Variants in UNC13C observed in about 807,000 individuals in gnomAD.
UNC13C encodes the protein unc-13 homolog C.
UNC13C carries 174 observed loss-of-function variants against 245.4 expected under a neutral mutation model. The ratio of observed to expected loss-of-function variants is 0.71; its 90% CI spans 0.63 to 0.80. UNC13C has a LOEUF of 0.80. Among genes scored for constraint, UNC13C ranks in the 30% least tolerant of loss-of-function variants. The pLI is 0.00. For synonymous variants in UNC13C, 992 were observed against 895.1 expected, an observed-to-expected ratio of 1.11 and a Z score of -1.93; for missense variants, 2,829 against 2,602.9, an observed-to-expected ratio of 1.09 and a Z score of -1.89.
At chr15:54,018,027 G>T (rs1293352481) in intron 2 of UNC13C, among the ~76,000 whole-genome samples, 2 of 152,158 alleles carry the variant, frequency 1.3e-5, no homozygotes, top group Non-Finnish European at 2.9e-5. Context: ...GGAAGCTGCG[G>T]TAGCCTAGAT....
chr15:54,126,318 C>T (rs2141204706), intron 2 of UNC13C, among the ~76,000 whole-genome samples: 1 of 152,070 alleles, frequency 6.6e-6, no homozygotes, highest in African/African-American at 2.4e-5. Context: ...TCTAATAAAG[C>T]AACAGTAGCC....
chr15:54,575,172 A>C (rs1566918357), intron 30 of UNC13C, among the ~76,000 whole-genome samples: 1 of 152,122 alleles, frequency 6.6e-6, no homozygotes, highest in Non-Finnish European at 1.5e-5. Context: ...AATAGCTGGG[A>C]TTACAGGTGC....
chr15:54,264,365 T>G lies in UNC13C; in HGVS notation c.3646T>G (p.Ser1216Ala), dbSNP rs1391342198. The change falls in exon 9 of 33, where the codon TCT (serine) becomes GCT (alanine). Residue 1216 changes from serine (S) to alanine (A), a missense_variant. Coordinates refer to ENST00000260323, the MANE Select transcript of UNC13C (RefSeq NM_001080534.3). ...CAAACAGAGTGTACTGGATGGGACA[T>G]CTAAGTGGTCTGCAAAAATAACCAT... Reference protein sequence around the residue: ...AAKQSVLDGTSKWSAKITITV... With the variant: ...AAKQSVLDGTAKWSAKITITV... 6.2e-7 allele frequency: 1 copy of G among 1,601,374 alleles called. No homozygotes were observed. Among genetic ancestry groups the G allele is most frequent in the Admixed American group, 1.7e-5 (1 of 58,332 alleles).
At chr15:54,503,949 T>C (rs548455717) in intron 22 of UNC13C, among the ~76,000 whole-genome samples, 80 of 152,264 alleles carry the variant, frequency 5.3e-4, no homozygotes, top group South Asian at 4.3e-3. Context: ...TAAAAATTTT[T>C]GCATTTTAAA....
intron 2 of UNC13C, among the ~76,000 whole-genome samples, chr15:54,059,242 A>C (rs1897689421): frequency 6.6e-6 from 1 of 152,172 alleles, no homozygotes; most frequent in Non-Finnish European, 1.5e-5. Flanking sequence ...AATCCCCTTA[A>C]GCTGATAAGC....
intron 17 of UNC13C, among the ~76,000 whole-genome samples, chr15:54,369,030 A>G (rs942921298): frequency 2.6e-5 from 4 of 152,154 alleles, no homozygotes; most frequent in Admixed American, 2.6e-4. Flanking sequence ...CCATGAAGTA[A>G]TGATTTGTTC....
chr15:53,968,939 C>G, the UNC13C span, among the ~76,000 whole-genome samples: 1 of 138,420 alleles, frequency 7.2e-6, no homozygotes, highest in African/African-American at 3.0e-5. Flanking sequence ...CTGCAGTTTC[C>G]TACAATCCCC....
chr15:54,605,830 A>G (rs1005156914), intron 30 of UNC13C, among the ~76,000 whole-genome samples: 3 of 152,224 alleles, frequency 2.0e-5, no homozygotes, highest in Non-Finnish European at 4.4e-5. Context: ...GGCAAACTTC[A>G]TAACATTTTC....
chr15:54,109,709 C>T (rs528044592), intron 2 of UNC13C, among the ~76,000 whole-genome samples: 1 of 152,128 alleles, frequency 6.6e-6, no homozygotes, highest in Non-Finnish European at 1.5e-5. Context: ...ATCCACACCT[C>T]ATAAACCCTA....
chr15:54,280,515 A>G (rs960709434), intron 10 of UNC13C, among the ~76,000 whole-genome samples: 23 of 151,420 alleles, frequency 1.5e-4, no homozygotes, highest in African/African-American at 5.6e-4. Context: ...AGCTATCACA[A>G]TAAGAATTGT....
At chr15:54,626,228 CACTTGACAGGTCTA>C (rs1901133603) in intron 32 of UNC13C, among the ~76,000 whole-genome samples, 1 of 152,140 alleles carries the variant, frequency 6.6e-6, no homozygotes. Context: ...AGAGGCCACA[CACTTGACAGGTCTA>C]ACTGTTACCA....
chr15:54,312,777 C>A (rs995847937), intron 13 of UNC13C, among the ~76,000 whole-genome samples: 2 of 151,714 alleles, frequency 1.3e-5, no homozygotes, highest in Non-Finnish European at 2.9e-5. Flanking sequence ...GGCCCCAGAT[C>A]TCTGATAAAG....
chr15:53,961,718 A>T, the UNC13C span, among the ~76,000 whole-genome samples: 1 of 152,252 alleles, frequency 6.6e-6, no homozygotes, highest in African/African-American at 2.4e-5. Context: ...TTACTGCTGT[A>T]ACAACACAGA....
intron 22 of UNC13C, among the ~76,000 whole-genome samples, 168 bp downstream of exon 22, chr15:54,501,146 C>T (rs1279117629): frequency 6.6e-6 from 1 of 152,084 alleles, no homozygotes; most frequent in Non-Finnish European, 1.5e-5. Flanking sequence ...CCTACACTTC[C>T]TGTTTCTTTA....
At chr15:54,129,717 C>A (rs1171308537) in intron 2 of UNC13C, among the ~76,000 whole-genome samples, 1 of 151,468 alleles carries the variant, frequency 6.6e-6, no homozygotes, top group African/African-American at 2.4e-5. Context: ...TCTCTCAGAA[C>A]TTTTCAAAAT....
intron 19 of UNC13C, among the ~76,000 whole-genome samples, chr15:54,445,283 C>T (rs1233864047): frequency 6.6e-6 from 1 of 152,124 alleles, no homozygotes; most frequent in Non-Finnish European, 1.5e-5. Flanking sequence ...CATACATGTG[C>T]ATGTGTCTCT....
At chr15:54,455,863 T>G (rs1415741981) in intron 19 of UNC13C, among the ~76,000 whole-genome samples, 1 of 152,152 alleles carries the variant, frequency 6.6e-6, no homozygotes, top group African/African-American at 2.4e-5. Context: ...TGCAGAAGCT[T>G]TTTAATTTAA....
At chr15:53,985,424 T>C (rs997414298) in intron 1 of UNC13C, among the ~76,000 whole-genome samples, 2 of 151,978 alleles carry the variant, frequency 1.3e-5, no homozygotes, top group African/African-American at 4.8e-5. Context: ...TTGTTACATA[T>C]GTATACATGT....
chr15:54,380,017 T>C (rs752289998), intron 17 of UNC13C, among the ~76,000 whole-genome samples: 3 of 152,134 alleles, frequency 2.0e-5, no homozygotes, highest in Non-Finnish European at 4.4e-5. Context: ...TCTCTTAGCA[T>C]TTTTCTAGAA....
Sources: allele counts gnomAD v4.1 joint callset (sites outside exome capture counted in the v4.1 genomes callset), GRCh38; gene constraint gnomAD v4.1.1; transcripts MANE v1.5; gene names NCBI Gene and HGNC (gene_info 2026-07-23, HGNC 2026-07-21).